The following PLXNA4 variants were observed in gnomAD, a reference collection of about 807,000 sequenced individuals.
PLXNA4 encodes plexin A4.
In PLXNA4, 44 loss-of-function variants were observed where a neutral mutation model predicts 191.8. The observed-to-expected ratio is 0.23, with a 90% CI of 0.18 to 0.29. The LOEUF (loss-of-function observed/expected upper bound fraction) is 0.29, where lower values mean the gene tolerates loss of function less well. Ranked by LOEUF, PLXNA4 falls within the 10% of genes least tolerant of loss-of-function variation. The pLI is 1.00. For missense variants in PLXNA4, 1,800 were observed against 2,488.8 expected (o/e 0.72, Z 5.89); for synonymous variants, 1,082 against 1,009.5 (o/e 1.07, Z -1.36).
At position 132,175,072 on chromosome 7, in the gene PLXNA4, T is replaced by C. The variant is rs1020474221; in HGVS notation, c.3875-152A>G. On this transcript the variant is annotated intron_variant, in intron 20 of 31. Transcript: ENST00000321063. ...AATAACTGGAGAGGCTATGTTTACA[T>C]AGCTGGGATTGGGATGAATGAATGG... The C allele has an allele frequency of 7.7e-6, 10 of 1,294,716 alleles. No homozygotes were observed. The Admixed American group carries it at 8.0e-5, about 10-fold the overall frequency. 80.2% of individuals were successfully genotyped at this position (1,294,716 alleles called of 1,614,324 possible). A position where few individuals can be genotyped will look rare whatever the true frequency, so the allele number is the denominator to read the frequency against.
chr7:132,374,992 TGA>T (rs1200345063), intron 3 of PLXNA4, among the ~76,000 whole-genome samples: 2 of 152,232 alleles, frequency 1.3e-5, no homozygotes, highest in African/African-American at 4.8e-5. Flanking sequence ...AGTCTGTGTG[TGA>T]GAAGACCAAG....
At chr7:132,386,074 G>C (rs1042109010) in intron 3 of PLXNA4, among the ~76,000 whole-genome samples, 1 of 152,158 alleles carries the variant, frequency 6.6e-6, no homozygotes, top group African/African-American at 2.4e-5. Context: ...ATCTTTGAGG[G>C]ATTACCTCCA....
chr7:132,373,862 G>T (rs1045977251), intron 3 of PLXNA4, among the ~76,000 whole-genome samples: 11 of 152,162 alleles, frequency 7.2e-5, no homozygotes, highest in African/African-American at 2.7e-4. Context: ...TATCAGGGAG[G>T]TCTCCTGGCT....
intron 3 of PLXNA4, among the ~76,000 whole-genome samples, chr7:132,433,653 A>G (rs1795359894): frequency 6.6e-6 from 1 of 152,026 alleles, no homozygotes. Flanking sequence ...ATCATTTCCT[A>G]CTTAGAGAGC....
intron 22 of PLXNA4, among the ~76,000 whole-genome samples, chr7:132,167,401 G>A (rs1251423073): frequency 6.6e-6 from 1 of 152,188 alleles, no homozygotes; most frequent in Non-Finnish European, 1.5e-5. Flanking sequence ...TGCTGGGTGA[G>A]ACATCACCAA....
intron 3 of PLXNA4, among the ~76,000 whole-genome samples, chr7:132,415,271 G>A (rs1227932766): frequency 6.6e-6 from 1 of 152,238 alleles, no homozygotes; most frequent in East Asian, 1.9e-4. Flanking sequence ...CAAAGGAGGA[G>A]GAGCCACAGC....
chr7:132,182,288 T>C, intron 16 of PLXNA4, 98 bp from the exon 17 acceptor site: 2 of 1,527,578 alleles, frequency 1.3e-6, no homozygotes, highest in South Asian at 2.6e-5. Flanking sequence ...AGGACAGTGA[T>C]AACTAGGCAG....
At chr7:132,641,951 G>A (rs1044028435) in intron 2 of PLXNA4, among the ~76,000 whole-genome samples, 1 of 152,158 alleles carries the variant, frequency 6.6e-6, no homozygotes, top group African/African-American at 2.4e-5. Flanking sequence ...TTTCAGAAAT[G>A]TTAAATGTGG....
In PLXNA4 at chr7:132,475,399, C is replaced by G. The variant is rs142388044; in HGVS notation, c.1371+13893G>C. Among the ~76,000 whole-genome samples the G allele has an allele frequency of 2.0e-5, 3 of 152,240 alleles. No individual in the cohort carries two copies. In the South Asian group the frequency reaches 6.2e-4, roughly 32 times the overall value. On this transcript the variant is annotated intron_variant, in intron 3 of 31. Transcript: ENST00000321063. Reference sequence around the variant, plus strand: ...TTAGTGGGAAATGAGGACAAAGAAACGGAACCCCCTCTAAGAGAGAAAATG... The same window carrying G: ...TTAGTGGGAAATGAGGACAAAGAAAGGGAACCCCCTCTAAGAGAGAAAATG...
intron 20 of PLXNA4, among the ~76,000 whole-genome samples, chr7:132,176,971 G>A (rs770164535): frequency 2.0e-5 from 3 of 152,018 alleles, no homozygotes; most frequent in Non-Finnish European, 2.9e-5. Flanking sequence ...GTGAGTGTAT[G>A]AGTGTGCATG....
At chr7:132,278,522 A>G (rs1435318460) in intron 4 of PLXNA4, among the ~76,000 whole-genome samples, 1 of 152,214 alleles carries the variant, frequency 6.6e-6, no homozygotes, top group East Asian at 1.9e-4. Flanking sequence ...GCATGGCCAC[A>G]AAAAGCCTTC....
At chr7:132,492,231 TAGGCCTCATTAGCCTGAGGAGGCTTC>T (rs1299677602) in intron 2 of PLXNA4, among the ~76,000 whole-genome samples, 1 of 152,164 alleles carries the variant, frequency 6.6e-6, no homozygotes, top group Non-Finnish European at 1.5e-5. Context: ...GCCACAAACA[TAGGCCTCATTAGCCTGAGGAGGCTTC>T]AGGCCTCTCA....
chr7:132,510,558 C>T (rs1333087393), intron 1 of PLXNA4, among the ~76,000 whole-genome samples: 3 of 152,286 alleles, frequency 2.0e-5, no homozygotes, highest in Admixed American at 6.5e-5. Flanking sequence ...CAAATCAGGC[C>T]GATACCACCA....
At chr7:132,481,880 G>C (rs745766403) in intron 3 of PLXNA4, among the ~76,000 whole-genome samples, 7 of 152,184 alleles carry the variant, frequency 4.6e-5, no homozygotes, top group Non-Finnish European at 1.0e-4. Context: ...CCTCACCCCT[G>C]GTCCTGTGGG....
At chr7:132,335,952 G>C (rs191366100) in intron 3 of PLXNA4, among the ~76,000 whole-genome samples, 1 of 152,328 alleles carries the variant, frequency 6.6e-6, no homozygotes, top group East Asian at 1.9e-4. Context: ...GAGTTGCTGG[G>C]CTACTGTCTG....
At chr7:132,477,769 T>C (rs1396315639) in intron 3 of PLXNA4, among the ~76,000 whole-genome samples, 2 of 152,226 alleles carry the variant, frequency 1.3e-5, no homozygotes, top group African/African-American at 4.8e-5. Flanking sequence ...ATTAATGAAC[T>C]GTATTTTCTA....
chr7:132,563,265 C>G (rs1329561984), intron 1 of PLXNA4, among the ~76,000 whole-genome samples: 2 of 113,034 alleles, frequency 1.8e-5, no homozygotes, highest in Admixed American at 8.8e-5. Context: ...TCCTTCTCCT[C>G]TTCATCCTCC....
Position 132,160,897 on chromosome 7 carries a change from G to A in PLXNA4, c.4501-1265C>T, listed in dbSNP as rs567379470. Reference sequence around the variant, plus strand: ...ACTAGACTGCTATGAGCTCAAATGCGAACATGCTTATTCCATTAAGAAGGG... The same window carrying A: ...ACTAGACTGCTATGAGCTCAAATGCAAACATGCTTATTCCATTAAGAAGGG... On this transcript the variant is annotated intron_variant, in intron 24 of 31. Transcript: ENST00000321063. Among the ~76,000 whole-genome samples the A allele has an allele frequency of 4.3e-4, 65 of 151,306 alleles. No individual in the cohort carries two copies. The South Asian group carries it at 5.1e-3, about 12-fold the overall frequency.
intron 3 of PLXNA4, among the ~76,000 whole-genome samples, chr7:132,478,628 C>A (rs1016897087): frequency 6.6e-6 from 1 of 152,142 alleles, no homozygotes; most frequent in Admixed American, 6.5e-5. Context: ...ATATAAGGCA[C>A]CCATATATGA....
Sources: gnomAD v4.1 joint callset for allele counts (sites outside exome capture counted in the v4.1 genomes callset) on GRCh38, gnomAD v4.1.1 for gene constraint, MANE v1.5 for transcripts, NCBI Gene and HGNC (gene_info 2026-07-23, HGNC 2026-07-21) for gene names.